EPB41L5: variants seen among roughly 807,000 people sequenced by gnomAD.
EPB41L5 encodes erythrocyte membrane protein band 4.1 like 5.
EPB41L5 carries 55 observed loss-of-function variants against 106.6 expected under a neutral mutation model. The ratio of observed to expected loss-of-function variants is 0.52; its 90% confidence interval spans 0.42 to 0.65. The LOEUF is 0.65. Among genes scored for constraint, EPB41L5 ranks in the 30% least tolerant of loss-of-function variants. The probability of loss-of-function intolerance (pLI) is 0.00; values close to 1 mark genes in which losing one functional copy is unlikely to be tolerated. For missense variants in EPB41L5, 871 were observed against 882.1 expected (o/e 0.99, Z 0.16); for synonymous variants, 297 against 306.7 (o/e 0.97, Z 0.33).
intron 18 of EPB41L5, among the ~76,000 whole-genome samples, chr2:120,137,069 A>C (rs984420209): frequency 6.6e-6 from 1 of 152,088 alleles, no homozygotes; most frequent in Non-Finnish European, 1.5e-5. Flanking sequence ...AACAAGAGAA[A>C]CTTTGGAAAC....
At chr2:120,021,263 C>G (rs1201292036) in intron 2 of EPB41L5, among the ~76,000 whole-genome samples, 1 of 151,818 alleles carries the variant, frequency 6.6e-6, no homozygotes, top group African/African-American at 2.4e-5. Flanking sequence ...TCACTTGAAC[C>G]TGGGAGGTGG....
At chr2:120,136,785 G>A (rs186156363) in intron 18 of EPB41L5, among the ~76,000 whole-genome samples, 41 of 151,986 alleles carry the variant, frequency 2.7e-4, no homozygotes, top group African/African-American at 9.4e-4. Flanking sequence ...GATACACCTC[G>A]GTACAATTCT....
intron 3 of EPB41L5, among the ~76,000 whole-genome samples, chr2:120,059,529 A>G (rs1339072792): frequency 6.6e-6 from 1 of 152,216 alleles, no homozygotes; most frequent in Non-Finnish European, 1.5e-5. Context: ...CTCTGTTAAT[A>G]GAACGAGAAG....
chr2:120,015,577 T>A (rs1677460884), intron 1 of EPB41L5, among the ~76,000 whole-genome samples: 1 of 152,176 alleles, frequency 6.6e-6, no homozygotes. Flanking sequence ...GAAACTCTCT[T>A]CAGTGTTCTG....
intron 3 of EPB41L5, among the ~76,000 whole-genome samples, chr2:120,044,836 T>C (rs189774191): frequency 1.3e-5 from 2 of 152,342 alleles, no homozygotes; most frequent in South Asian, 2.1e-4. Flanking sequence ...ATTCAACTTA[T>C]AGGCTTCTGT....
At chr2:120,088,341 C>G (rs528362674) in intron 11 of EPB41L5, among the ~76,000 whole-genome samples, 35 of 152,170 alleles carry the variant, frequency 2.3e-4, no homozygotes, top group Admixed American at 7.2e-4. Context: ...GAAGAGAAAA[C>G]CAAATACTAC....
chr2:120,019,033 C>G, intron 1 of EPB41L5, 44 bp from the exon 2 acceptor site: 1 of 1,513,946 alleles, frequency 6.6e-7, no homozygotes, highest in East Asian at 2.3e-5. Flanking sequence ...TGTGGAGAAT[C>G]TCATTTTTTT....
intron 2 of EPB41L5, among the ~76,000 whole-genome samples, chr2:120,041,289 A>G (rs961663499): frequency 6.6e-6 from 1 of 152,232 alleles, no homozygotes; most frequent in Non-Finnish European, 1.5e-5. Context: ...CTGTGTTGCA[A>G]TGTGTTGTTT....
chr2:120,071,636 C>T (rs558107593), intron 3 of EPB41L5, among the ~76,000 whole-genome samples: 2 of 152,282 alleles, frequency 1.3e-5, no homozygotes, highest in East Asian at 3.9e-4. Context: ...ACATCCACAA[C>T]CATCTTATCT....
At chr2:120,132,679 C>T (rs1022614066) in intron 18 of EPB41L5, among the ~76,000 whole-genome samples, 3 of 152,144 alleles carry the variant, frequency 2.0e-5, no homozygotes, top group Non-Finnish European at 4.4e-5. Context: ...AGTATTCTAT[C>T]CCACTTGTCT....
chr2:120,089,574 A>G (rs577240772), intron 11 of EPB41L5, among the ~76,000 whole-genome samples: 5 of 152,232 alleles, frequency 3.3e-5, no homozygotes, highest in South Asian at 2.1e-4. Context: ...TTATTCATTT[A>G]TCCCTCTGCA....
chr2:120,045,789 A>G (rs1184191154), intron 3 of EPB41L5, among the ~76,000 whole-genome samples: 3 of 152,006 alleles, frequency 2.0e-5, no homozygotes, highest in Non-Finnish European at 2.9e-5. Flanking sequence ...TACATTAGGT[A>G]TATCTCCTAA....
chr2:120,018,263 G>T (rs752931994), intron 1 of EPB41L5, among the ~76,000 whole-genome samples: 1 of 151,908 alleles, frequency 6.6e-6, no homozygotes, highest in Non-Finnish European at 1.5e-5. Flanking sequence ...CACCGCGCCC[G>T]GCCACTTCTC....
At chr2:120,072,964 C>T (rs918245450) in intron 3 of EPB41L5, among the ~76,000 whole-genome samples, 11 of 150,674 alleles carry the variant, frequency 7.3e-5, no homozygotes, top group African/African-American at 2.4e-4. Flanking sequence ...GGTTTTAGGT[C>T]GTTTTTGTTC....
chr2:120,034,149 C>A (rs527886980), intron 2 of EPB41L5, among the ~76,000 whole-genome samples: 8 of 152,270 alleles, frequency 5.3e-5, no homozygotes, highest in Non-Finnish European at 1.0e-4. Context: ...CTTGTGTTCA[C>A]TATTGGTTGT....
chr2:120,055,847 T>G (rs747652452), intron 3 of EPB41L5, among the ~76,000 whole-genome samples: 2 of 152,212 alleles, frequency 1.3e-5, no homozygotes, highest in Non-Finnish European at 2.9e-5. Flanking sequence ...TTTTAATGTG[T>G]TTTTATGTAT....
At chr2:120,076,496 T>TTTTTTTG in intron 7 of EPB41L5, among the ~76,000 whole-genome samples, 1 of 131,454 alleles carries the variant, frequency 7.6e-6, no homozygotes, top group Non-Finnish European at 1.6e-5. Context: ...TTTTTTTTTT[T>TTTTTTTG]AGAGACGAGG....
intron 3 of EPB41L5, among the ~76,000 whole-genome samples, chr2:120,061,562 G>A (rs1681080065): frequency 6.6e-6 from 1 of 151,648 alleles, no homozygotes; most frequent in African/African-American, 2.4e-5. Flanking sequence ...ACGTTGGGTG[G>A]GCTGGTCTCG....
chr2:120,064,201 A>T (rs145733754), intron 3 of EPB41L5, among the ~76,000 whole-genome samples: 1 of 152,218 alleles, frequency 6.6e-6, no homozygotes, highest in Non-Finnish European at 1.5e-5. Flanking sequence ...AACTTTTAAG[A>T]TTATTCACAG....
Sources: allele counts gnomAD v4.1 joint callset (sites outside exome capture counted in the v4.1 genomes callset), GRCh38; gene constraint gnomAD v4.1.1; transcripts MANE v1.5; gene names NCBI Gene and HGNC (gene_info 2026-07-23, HGNC 2026-07-21).